The following TAFA1 variants were observed in gnomAD, a reference collection of about 807,000 sequenced individuals.
TAFA1 encodes the protein chemokine-like protein TAFA-1.
TAFA1 carries 4 observed loss-of-function variants against 18.5 expected under a neutral mutation model. That is an observed-to-expected ratio of 0.22 (90% CI 0.11 to 0.49). TAFA1 has a LOEUF of 0.49. TAFA1 is among the 20% of genes least tolerant of loss of function. TAFA1 has a pLI of 0.98. For missense variants in TAFA1, 147 were observed against 169.0 expected, an observed-to-expected ratio of 0.87 and a Z score of 0.72; for synonymous variants, 56 against 55.2, an observed-to-expected ratio of 1.01 and a Z score of -0.06.
At chr3:68,308,140 A>AT (rs1022379218) in intron 2 of TAFA1, among the ~76,000 whole-genome samples, 2 of 152,120 alleles carry the variant, frequency 1.3e-5, no homozygotes, top group African/African-American at 4.8e-5. Flanking sequence ...AAAACCTATG[A>AT]TTTATAAGCC....
chr3:68,440,179 G>C (rs1241966647), intron 3 of TAFA1, among the ~76,000 whole-genome samples: 2 of 152,076 alleles, frequency 1.3e-5, no homozygotes, highest in Admixed American at 1.3e-4. Flanking sequence ...AGTCTCAAAA[G>C]AGCTGATGGC....
chr3:67,993,850 T>G, the TAFA1 span, among the ~76,000 whole-genome samples: 1 of 151,962 alleles, frequency 6.6e-6, no homozygotes, highest in Non-Finnish European at 1.5e-5. Context: ...AGATGGCAAG[T>G]GGGCTCAGGC....
At chr3:68,235,511 C>T (rs17047387) in intron 2 of TAFA1, among the ~76,000 whole-genome samples, 19,452 of 152,130 alleles carry the variant, frequency 0.13, 1,380 homozygotes, top group African/African-American at 0.18. Flanking sequence ...GTTCATACTT[C>T]GCTAAAATAA....
At chr3:68,111,745 A>G (rs2065264334) in intron 2 of TAFA1, among the ~76,000 whole-genome samples, 1 of 150,402 alleles carries the variant, frequency 6.6e-6, no homozygotes, top group African/African-American at 2.4e-5. Context: ...TAAAAAGAAT[A>G]GTAGGAATAA....
At chr3:68,006,590 G>C in intron 1 of TAFA1, 34 bp from the exon 2 acceptor site, 2 of 1,477,396 alleles carry the variant, frequency 1.4e-6, no homozygotes, top group Non-Finnish European at 9.5e-7. Flanking sequence ...GCTTGAAGCC[G>C]GAGGTAACCT....
At chr3:68,536,521 A>C (rs891067110) in intron 3 of TAFA1, among the ~76,000 whole-genome samples, 7 of 152,176 alleles carry the variant, frequency 4.6e-5, no homozygotes, top group Non-Finnish European at 1.0e-4. Flanking sequence ...ATCGTAAGAC[A>C]AACACCTGGC....
chr3:68,113,149 C>T (rs886750529), intron 2 of TAFA1, among the ~76,000 whole-genome samples: 44 of 152,082 alleles, frequency 2.9e-4, no homozygotes, highest in African/African-American at 1.0e-3. Context: ...AGCAATTTTT[C>T]GCACCAGATC....
intron 2 of TAFA1, among the ~76,000 whole-genome samples, chr3:68,031,422 C>T (rs1704932804): frequency 6.6e-6 from 1 of 152,154 alleles, no homozygotes; most frequent in South Asian, 2.1e-4. Context: ...GATACTTTAT[C>T]ACAAAGCACT....
intron 2 of TAFA1, among the ~76,000 whole-genome samples, chr3:68,357,346 C>T (rs963904646): frequency 6.6e-6 from 1 of 150,628 alleles, no homozygotes; most frequent in Non-Finnish European, 1.5e-5. Context: ...TTGATGGATG[C>T]CTGCAGTTAA....
intron 2 of TAFA1, among the ~76,000 whole-genome samples, chr3:68,357,007 G>A (rs1224691623): frequency 6.6e-6 from 1 of 151,854 alleles, no homozygotes; most frequent in Non-Finnish European, 1.5e-5. Context: ...GAAGACAGGT[G>A]AACAAAACCT....
chr3:68,240,752 C>T (rs1415018556), intron 2 of TAFA1, among the ~76,000 whole-genome samples: 1 of 152,172 alleles, frequency 6.6e-6, no homozygotes, highest in Non-Finnish European at 1.5e-5. Flanking sequence ...TCAGCATGCA[C>T]TCTGAAGCGC....
chr3:68,229,720 T>A (rs2066847020), intron 2 of TAFA1, among the ~76,000 whole-genome samples: 1 of 152,218 alleles, frequency 6.6e-6, no homozygotes, highest in African/African-American at 2.4e-5. Flanking sequence ...CAGCTCTCAA[T>A]GTGCATTCAT....
At chr3:68,228,655 T>A (rs1321102729) in intron 2 of TAFA1, among the ~76,000 whole-genome samples, 1 of 152,246 alleles carries the variant, frequency 6.6e-6, no homozygotes, top group Non-Finnish European at 1.5e-5. Flanking sequence ...GTCTCTGTAG[T>A]CTTGGTGCCT....
chr3:68,267,295 T>C (rs2067567337), intron 2 of TAFA1, among the ~76,000 whole-genome samples: 1 of 152,216 alleles, frequency 6.6e-6, no homozygotes, highest in African/African-American at 2.4e-5. Context: ...GAACCCATAC[T>C]TGTATGCTAA....
chr3:68,148,406 C>G (rs1487392636), intron 2 of TAFA1, among the ~76,000 whole-genome samples: 1 of 152,202 alleles, frequency 6.6e-6, no homozygotes, highest in Non-Finnish European at 1.5e-5. Flanking sequence ...GACATGTGTT[C>G]AGATCAGTTT....
intron 2 of TAFA1, among the ~76,000 whole-genome samples, chr3:68,263,441 A>C (rs1311075055): frequency 2.4e-5 from 3 of 127,262 alleles, no homozygotes; most frequent in Admixed American, 1.7e-4. Flanking sequence ...TTAACCACAC[A>C]CACATACACA....
intron 3 of TAFA1, among the ~76,000 whole-genome samples, chr3:68,440,115 G>A (rs1023170197): frequency 6.6e-6 from 1 of 152,014 alleles, no homozygotes; most frequent in African/African-American, 2.4e-5. Context: ...TGGGTGGGAG[G>A]TGATTGAGTT....
intron 2 of TAFA1, among the ~76,000 whole-genome samples, chr3:68,342,487 C>T (rs560531128): frequency 6.6e-6 from 1 of 152,340 alleles, no homozygotes; most frequent in East Asian, 1.9e-4. Context: ...ACGTCTTTCT[C>T]TTAACTATAC....
rs982782699 is a variant in TAFA1 at position 68,284,602 on chromosome 3, C to G, written c.119-132678C>G. ...GGAGAATGGGTAGAAATGAACTGTG[C>G]TATGTTCATACAACAGAAAACTGCC... On this transcript the variant is annotated intron_variant, in intron 2 of 4. Coordinates refer to ENST00000478136, the MANE Select transcript of TAFA1 (RefSeq NM_213609.4). Among the ~76,000 whole-genome samples, 42 of 152,092 alleles carry G rather than the reference C, an allele frequency of 2.8e-4. 3 individuals carry two copies. The highest frequency in any genetic ancestry group is 5.9e-5 in the Non-Finnish European group (4 of 68,012).
Sources: gnomAD v4.1 joint callset for allele counts (sites outside exome capture counted in the v4.1 genomes callset) on GRCh38, gnomAD v4.1.1 for gene constraint, MANE v1.5 for transcripts, NCBI Gene and HGNC (gene_info 2026-07-23, HGNC 2026-07-21) for gene names.